PUDP: variants seen among roughly 807,000 people sequenced by gnomAD.
PUDP encodes pseudouridine 5'-phosphatase.
A neutral mutation model predicts 9.4 loss-of-function variants in PUDP; 8 were observed. The ratio of observed to expected loss-of-function variants is 0.85; its 90% confidence interval spans 0.50 to 1.53. The LOEUF (loss-of-function observed/expected upper bound fraction) is 1.53, where lower values mean the gene tolerates loss of function less well. PUDP is among the 40% of genes most tolerant of loss of function. PUDP has a pLI of 0.00. For synonymous variants in PUDP, 99 were observed against 80.7 expected, an observed-to-expected ratio of 1.23 and a Z score of -1.22; for missense variants, 188 against 189.7, an observed-to-expected ratio of 0.99 and a Z score of 0.05.
intron 3 of PUDP, among the ~76,000 whole-genome samples, chrX:6,923,216 C>T (rs1366941171): frequency 8.9e-6 from 1 of 111,743 alleles, no homozygotes; most frequent in Non-Finnish European, 1.9e-5. Context: ...TCCTATCCCT[C>T]TTAACAGGAT....
chrX:7,104,540 AT>A (rs1389852100), intron 2 of PUDP, among the ~76,000 whole-genome samples: 1 of 111,939 alleles, frequency 8.9e-6, no homozygotes, highest in Non-Finnish European at 1.9e-5. Flanking sequence ...AAAATGGTAA[AT>A]TTTAGTGTGT....
chrX:6,841,638 C>T (rs1926672636), intron 3 of PUDP, among the ~76,000 whole-genome samples: 1 of 111,736 alleles, frequency 8.9e-6, no homozygotes, highest in African/African-American at 3.3e-5. Context: ...TAGAAATTAA[C>T]ACATAATATT....
At chrX:7,075,890 T>C (rs1009263575) in intron 3 of PUDP, among the ~76,000 whole-genome samples, 2 of 111,515 alleles carry the variant, frequency 1.8e-5, no homozygotes, top group East Asian at 2.8e-4. Flanking sequence ...GAAGAGAGGA[T>C]TGCAGGAACC....
chrX:6,855,798 G>A (rs1039207276), intron 3 of PUDP, among the ~76,000 whole-genome samples: 2 of 111,618 alleles, frequency 1.8e-5, no homozygotes, highest in African/African-American at 6.5e-5. Context: ...GAGTATACTA[G>A]TGTTCTATGA....
intron 3 of PUDP, among the ~76,000 whole-genome samples, chrX:6,869,975 A>T (rs191936310): frequency 9.0e-6 from 1 of 111,725 alleles, no homozygotes; most frequent in Admixed American, 9.6e-5. Flanking sequence ...TCATAGCAGC[A>T]CTACTTACAA....
intron 3 of PUDP, among the ~76,000 whole-genome samples, chrX:6,955,573 C>T (rs924366323): frequency 9.0e-6 from 1 of 111,339 alleles, no homozygotes; most frequent in African/African-American, 3.3e-5. Flanking sequence ...TGCTTTTCTA[C>T]TATATCCATA....
At chrX:7,029,016 C>A (rs943976668) in intron 1 of PUDP, among the ~76,000 whole-genome samples, 2 of 111,811 alleles carry the variant, frequency 1.8e-5, no homozygotes, top group Non-Finnish European at 3.8e-5. Context: ...ACTCTAGTGA[C>A]CTTGTTTTAC....
chrX:6,912,619 A>G (rs1927865724), intron 3 of PUDP, among the ~76,000 whole-genome samples: 1 of 112,016 alleles, frequency 8.9e-6, no homozygotes, highest in African/African-American at 3.2e-5. Flanking sequence ...AGCCAGGACA[A>G]TGATCCTGTG....
chrX:6,917,065 A>G (rs1048198606), intron 3 of PUDP, among the ~76,000 whole-genome samples: 2 of 112,254 alleles, frequency 1.8e-5, no homozygotes, highest in Admixed American at 1.9e-4. Flanking sequence ...ACCTGCCTTA[A>G]AAATACCTTA....
intron 3 of PUDP, among the ~76,000 whole-genome samples, chrX:6,852,289 A>C (rs1340500710): frequency 8.9e-6 from 1 of 112,363 alleles, no homozygotes; most frequent in African/African-American, 3.2e-5. Flanking sequence ...TTAGAATGTA[A>C]TGTGTTCCTG....
At chrX:6,955,814 T>C (rs1466792988) in intron 3 of PUDP, among the ~76,000 whole-genome samples, 1 of 110,482 alleles carries the variant, frequency 9.1e-6, no homozygotes, top group African/African-American at 3.3e-5. Flanking sequence ...ACTCCATTCA[T>C]TAATTAAACT....
intron 3 of PUDP, among the ~76,000 whole-genome samples, chrX:6,951,283 T>TATCCATCC (rs747575376): frequency 3.7e-5 from 4 of 108,280 alleles, no homozygotes; most frequent in African/African-American, 1.0e-4. Context: ...CTAATCTATC[T>TATCCATCC]ATCCATCCAT....
chrX:6,956,962 C>T (rs1250280472), intron 3 of PUDP, among the ~76,000 whole-genome samples: 1 of 112,160 alleles, frequency 8.9e-6, no homozygotes, highest in Non-Finnish European at 1.9e-5. Context: ...GCACACATCT[C>T]TCAGATGAGA....
At chrX:6,830,671 G>A (rs1926490552) in intron 3 of PUDP, among the ~76,000 whole-genome samples, 2 of 112,049 alleles carry the variant, frequency 1.8e-5, no homozygotes, top group South Asian at 7.4e-4. Flanking sequence ...TAAGAGATAC[G>A]AAGCCTAGGG....
At chrX:6,950,846 C>T (rs750967326) in intron 3 of PUDP, among the ~76,000 whole-genome samples, 21 of 112,106 alleles carry the variant, frequency 1.9e-4, no homozygotes, top group African/African-American at 5.8e-4. Context: ...GGGTGGACTT[C>T]GTCCAATCAG....
chrX:7,089,896 GA>G (rs1214904308), intron 2 of PUDP, among the ~76,000 whole-genome samples: 2 of 111,911 alleles, frequency 1.8e-5, no homozygotes, highest in African/African-American at 6.5e-5. Context: ...GTAACATCAG[GA>G]AGACAGAAAA....
At chrX:6,755,914 T>C (rs188424022) in intron 3 of PUDP, among the ~76,000 whole-genome samples, 165 of 110,995 alleles carry the variant, frequency 1.5e-3, no homozygotes, top group Non-Finnish European at 2.3e-3. Flanking sequence ...AAGAGAGCTT[T>C]CCCAGGAGAT....
chrX:6,863,168 A>G (rs1217666354), intron 3 of PUDP, among the ~76,000 whole-genome samples: 1 of 111,240 alleles, frequency 9.0e-6, no homozygotes. Flanking sequence ...TCCTGCCTCA[A>G]CCTCCCAAGT....
rs772781882 is a variant in PUDP, at chrX:6,932,975, A to G, written c.*247+44158T>C. 5.6e-3 allele frequency among the ~76,000 whole-genome samples: 617 copies of G among 110,123 alleles called. 2 individuals carry two copies. Among genetic ancestry groups the G allele is most frequent in the African/African-American group, 0.019 (588 of 30,414 alleles). On this transcript the variant is annotated intron_variant and NMD_transcript_variant, in intron 3 of 3. Coordinates refer to the PUDP transcript ENST00000655425. ...TAAACAAAGCAGCCGGGAAGCTCGA[A>G]CTGGGTGGAGCCCACCACAGCTCAA...
Sources: gnomAD v4.1 joint callset for allele counts (sites outside exome capture counted in the v4.1 genomes callset) on GRCh38, gnomAD v4.1.1 for gene constraint, MANE v1.5 for transcripts, NCBI Gene and HGNC (gene_info 2026-07-23, HGNC 2026-07-21) for gene names.